The following CYB5R4 variants were observed in gnomAD, a reference collection of about 807,000 sequenced individuals.
CYB5R4 encodes N-terminal cytochrome b5 and cytochrome b5 oxidoreductase domain-containing protein.
CYB5R4 carries 55 observed loss-of-function variants against 70.2 expected under a neutral mutation model. That is an observed-to-expected ratio of 0.78 (90% CI 0.63 to 0.98). CYB5R4 has a LOEUF of 0.98. Ranked by LOEUF, CYB5R4 falls within the 50% of genes least tolerant of loss-of-function variation. CYB5R4 has a pLI of 0.00. For missense variants in CYB5R4, 562 were observed against 612.6 expected (o/e 0.92, Z 0.87); for synonymous variants, 197 against 199.5 (o/e 0.99, Z 0.11).
At chr6:83,919,550 T>G in intron 7 of CYB5R4, 96 bp downstream of exon 7, 1 of 535,822 alleles carries the variant, frequency 1.9e-6, no homozygotes, top group South Asian at 2.9e-5. Flanking sequence ...TATTTACTTC[T>G]CACTATAATT....
intron 10 of CYB5R4, among the ~76,000 whole-genome samples, chr6:83,928,242 G>A (rs1387735185): frequency 1.3e-5 from 2 of 152,186 alleles, no homozygotes; most frequent in African/African-American, 2.4e-5. Flanking sequence ...CTTGTGTGTA[G>A]GAGACTGTTT....
intron 2 of CYB5R4, among the ~76,000 whole-genome samples, chr6:83,880,523 G>T (rs2099459274): frequency 6.6e-6 from 1 of 152,142 alleles, no homozygotes; most frequent in Non-Finnish European, 1.5e-5. Flanking sequence ...GTGTAATATT[G>T]ATGTAAGTTG....
At chr6:83,881,825 G>C (rs1027447784) in intron 2 of CYB5R4, among the ~76,000 whole-genome samples, 4 of 152,276 alleles carry the variant, frequency 2.6e-5, no homozygotes, top group African/African-American at 9.6e-5. Context: ...TAAGTTCTCT[G>C]TTGTCCTAGC....
chr6:83,955,530 T>C (rs1588588737), intron 15 of CYB5R4, 68 bp downstream of exon 15: 2 of 1,397,778 alleles, frequency 1.4e-6, no homozygotes, highest in South Asian at 2.9e-5. Context: ...AACAAGCATC[T>C]CTCAGTTCTT....
At chr6:83,874,884 G>A (rs2099458270) in intron 2 of CYB5R4, among the ~76,000 whole-genome samples, 1 of 150,822 alleles carries the variant, frequency 6.6e-6, no homozygotes, top group African/African-American at 2.4e-5. Context: ...GTGCAGTGGC[G>A]CGATCTTGGC....
rs1366884026 is a variant in CYB5R4, at chr6:83,864,292, C to T, written c.193C>T (p.His65Tyr). Residue 65 changes from histidine (H) to tyrosine (Y), a missense_variant, in exon 2 of 16, where the codon CAC (histidine) becomes TAC (tyrosine). Transcript: ENST00000369681. ...AGTAACTGAAGAAGAACTTAAGAAA[C>T]ACAACAAAAAAGATGATTGTTGGAT... ...IEVTEEELKKHNKKDDCWICI... is the reference protein window; with the variant it reads ...IEVTEEELKKYNKKDDCWICI... 4.3e-6 allele frequency: 7 copies of T among 1,612,260 alleles called. No individual in the cohort carries two copies. The highest frequency in any genetic ancestry group is 5.1e-6 in the Non-Finnish European group (6 of 1,179,240).
intron 2 of CYB5R4, among the ~76,000 whole-genome samples, chr6:83,870,954 CCTT>C (rs1262188353): frequency 6.7e-6 from 1 of 148,894 alleles, no homozygotes. Flanking sequence ...GGTACATGTC[CCTT>C]CTTTCATTGT....
chr6:83,879,449 G>A (rs548483703), intron 2 of CYB5R4, among the ~76,000 whole-genome samples: 1 of 152,248 alleles, frequency 6.6e-6, no homozygotes, highest in South Asian at 2.1e-4. Context: ...TCCAGCAGCA[G>A]TTAGTATTTG....
At position 83,921,790 on chromosome 6, in the gene CYB5R4, A is replaced by C. The variant is rs548852132; in HGVS notation, c.658+615A>C. 3.3e-5 allele frequency among the ~76,000 whole-genome samples: 5 copies of C among 152,362 alleles called. No homozygotes were observed. The South Asian group carries it at 1.0e-3, about 32-fold the overall frequency. ...ATATTGCATTGGAATGACTGAAATC[A>C]TACAAAATTGTAAATTCCAGATAAC... is the stretch of plus-strand genomic sequence containing the variant. On this transcript the variant is annotated intron_variant, in intron 8 of 15. Transcript: ENST00000369681.
intron 2 of CYB5R4, 102 bp downstream of exon 2, chr6:83,864,430 T>A: frequency 9.6e-7 from 1 of 1,041,140 alleles, no homozygotes; most frequent in Non-Finnish European, 1.4e-6. Flanking sequence ...ATTGACAATT[T>A]AACAAAAATA....
chr6:83,950,210 A>G (rs185635424), intron 14 of CYB5R4, among the ~76,000 whole-genome samples: 1 of 152,280 alleles, frequency 6.6e-6, no homozygotes, highest in East Asian at 1.9e-4. Flanking sequence ...ATGTGTACCC[A>G]AATTTTATCC....
At chr6:83,870,179 A>G (rs748259773) in intron 2 of CYB5R4, among the ~76,000 whole-genome samples, 3 of 152,200 alleles carry the variant, frequency 2.0e-5, no homozygotes, top group Non-Finnish European at 2.9e-5. Context: ...TGTATTTTTT[A>G]CTAGTAGCAA....
At chr6:83,876,229 T>C (rs1276234317) in intron 2 of CYB5R4, among the ~76,000 whole-genome samples, 1 of 152,204 alleles carries the variant, frequency 6.6e-6, no homozygotes, top group East Asian at 1.9e-4. Flanking sequence ...CTCTCCTTTG[T>C]ATAGTTTTGT....
chr6:83,908,955 A>G, intron 3 of CYB5R4, 54 bp from the exon 4 acceptor site: 3 of 1,459,532 alleles, frequency 2.1e-6, no homozygotes, highest in Non-Finnish European at 2.9e-6. Context: ...CTAAAATGAG[A>G]GCATCCTGTG....
chr6:83,925,559 C>G (rs555330060), intron 10 of CYB5R4, among the ~76,000 whole-genome samples: 1 of 152,266 alleles, frequency 6.6e-6, no homozygotes, highest in East Asian at 1.9e-4. Flanking sequence ...GCAAAATGAA[C>G]ATATCCTGTA....
chr6:83,861,584 A>G (rs1034514717), intron 1 of CYB5R4, among the ~76,000 whole-genome samples: 3 of 152,126 alleles, frequency 2.0e-5, no homozygotes, highest in Non-Finnish European at 1.5e-5. Flanking sequence ...CTACAGCCCA[A>G]AGATATGCAA....
chr6:83,864,381 A>G, intron 2 of CYB5R4, 53 bp downstream of exon 2: 1 of 1,492,568 alleles, frequency 6.7e-7, no homozygotes, highest in Non-Finnish European at 9.1e-7. Flanking sequence ...CTTTCCAATT[A>G]TGATGTTACA....
At chr6:83,935,033 A>G (rs2099468716) in intron 11 of CYB5R4, among the ~76,000 whole-genome samples, 1 of 152,180 alleles carries the variant, frequency 6.6e-6, no homozygotes. Flanking sequence ...AGACTGCACA[A>G]ATAGTCCTCC....
At chr6:83,915,700 G>C (rs2099465389) in intron 5 of CYB5R4, among the ~76,000 whole-genome samples, 1 of 152,204 alleles carries the variant, frequency 6.6e-6, no homozygotes, top group South Asian at 2.1e-4. Context: ...CCTGGACCCT[G>C]TAAGATTGGA....
Sources: allele counts gnomAD v4.1 joint callset (sites outside exome capture counted in the v4.1 genomes callset), GRCh38; gene constraint gnomAD v4.1.1; transcripts MANE v1.5; gene names NCBI Gene and HGNC (gene_info 2026-07-23, HGNC 2026-07-21).